Variants in MAGEC1 observed in about 807,000 individuals in gnomAD.
MAGEC1 encodes the protein melanoma-associated antigen C1.
A neutral mutation model predicts 1.5 loss-of-function variants in MAGEC1; 3 were observed. The observed-to-expected ratio is 1.97, with a 90% confidence interval of 0.90 to 5.10. MAGEC1 has a LOEUF of 5.10. Ranked by LOEUF, MAGEC1 falls within the 30% of genes most tolerant of loss-of-function variation. The pLI is 0.02. For synonymous variants in MAGEC1, 357 were observed against 310.4 expected, an observed-to-expected ratio of 1.15 and a Z score of -1.58; for missense variants, 985 against 803.1, an observed-to-expected ratio of 1.23 and a Z score of -2.74.
At chrX:141,904,564 C>A (rs189235868) in intron 1 of MAGEC1, among the ~76,000 whole-genome samples, 153 bp from the exon 2 acceptor site, 52 of 111,280 alleles carry the variant, frequency 4.7e-4, no homozygotes, top group African/African-American at 1.6e-3. Flanking sequence ...CTCAGGCCAG[C>A]AGAGTGGTGG....
chrX:141,908,219 A>G lies in MAGEC1; in HGVS notation c.2815A>G (p.Ile939Val), dbSNP rs1244663960. 1 of 1,211,752 alleles carries G rather than the reference A, an allele frequency of 8.3e-7. No homozygotes were observed. Among genetic ancestry groups the G allele is most frequent in the African/African-American group, 1.7e-5 (1 of 57,764 alleles). Residue 939 changes from isoleucine to valine, a missense_variant, in exon 4 of 4, where the codon ATC (isoleucine) becomes GTC (valine). Physicochemically the swap from Ile to Val is conservative, Grantham distance 29. Transcript: ENST00000285879. The part of the protein sequence containing the change: ...ITKAEMLTNV[I>V]SRYTGYFPVI... The stretch of plus-strand genomic sequence containing the variant: ...AAAGGCAGAGATGCTGACGAATGTC[A>G]TCAGCAGGTACACGGGCTACTTTCC...
In MAGEC1 at chrX:141,906,420, A is replaced by G. The variant is rs1263477316; in HGVS notation, c.1016A>G (p.Gln339Arg). Reference sequence around the variant, plus strand: ...GAGGGTTTTCCCCAGTCTCTTCTCCAGATTCCTATGACCTCCTCCTTCTCC... The same window carrying G: ...GAGGGTTTTCCCCAGTCTCTTCTCCGGATTCCTATGACCTCCTCCTTCTCC... ...TFEGFPQSLL[Q>R]IPMTSSFSST... The change falls in exon 4 of 4, where the codon CAG becomes CGG. Residue 339 changes from glutamine (Q) to arginine (R), a missense_variant. Coordinates refer to ENST00000285879, the MANE Select transcript of MAGEC1 (RefSeq NM_005462.5). The G allele has an allele frequency of 6.7e-6, 8 of 1,197,578 alleles. No individual in the cohort carries two copies. Among genetic ancestry groups the G allele is most frequent in the Middle Eastern group, 4.7e-4 (2 of 4,297 alleles).
At position 141,905,818 on chromosome X, in the gene MAGEC1, T is replaced by G; in HGVS notation, c.414T>G (p.Ser138=). 1 of 1,211,871 alleles carries G rather than the reference T, an allele frequency of 8.3e-7. No homozygotes were observed. The highest frequency in any genetic ancestry group is 1.7e-5 in the African/African-American group (1 of 57,951). ...LQNPASSFFS[S]ALLSIFQSSP... is the part of the protein sequence containing the mutation. ...ATCCTGCGAGTTCCTTCTTCTCCTC[T>G]GCTTTATTGAGTATTTTCCAGAGTT... The change falls in exon 4 of 4, where the codon TCT becomes TCG. Residue 138 remains serine (S), a synonymous_variant. Transcript: ENST00000285879.
In MAGEC1 at chrX:141,906,244, AGTGAGT is replaced by A. The variant is rs758023671; in HGVS notation, c.841_846del (p.Val281_Ser282del). On this transcript the variant is annotated inframe_deletion, in exon 4 of 4. Transcript: ENST00000285879. ...TGAGCCCCTCCTTCTCCTCCACTTT[AGTGAGT>A]CTTTTCCAGAGTTCCCCTGAGAGAA... 2.5e-5 allele frequency: 26 copies of A among 1,036,357 alleles called. 1 individual carries two copies. The highest frequency in any genetic ancestry group is 1.5e-4 in the Admixed American group (6 of 39,295). The allele number at this position is 1,036,357 out of a possible 1,213,427, so 85.4% of individuals were successfully genotyped here. A position where few individuals can be genotyped will look rare whatever the true frequency, so the allele number is the denominator to read the frequency against.
Position 141,905,053 on chromosome X carries a change from C to T in MAGEC1, c.-20C>T, listed in dbSNP as rs779452182. On this transcript the variant is annotated 5_prime_UTR_variant, in exon 3 of 4. Transcript: ENST00000285879. ...CCTTAAGAGAAGAAGAGCTGTAAGCCGGCCTTTGTCAGAGCCATCATGGGT... is the reference window on the plus strand; with the variant it reads ...CCTTAAGAGAAGAAGAGCTGTAAGCTGGCCTTTGTCAGAGCCATCATGGGT... The T allele has an allele frequency of 4.1e-6, 5 of 1,211,861 alleles. No individual in the cohort carries two copies. The highest frequency in any genetic ancestry group is 4.3e-5 in the Admixed American group (2 of 46,094).
At position 141,906,728 on chromosome X, in the gene MAGEC1, C is replaced by T. The variant is rs1926920185; in HGVS notation, c.1324C>T (p.Pro442Ser). 2 of 1,202,606 alleles carry T rather than the reference C, an allele frequency of 1.7e-6. No homozygotes were observed. Among genetic ancestry groups the T allele is most frequent in the African/African-American group, 1.8e-5 (1 of 55,826 alleles). ...QSAFEGFPQS[P>S]LQIPVSSSFS... ...TGCTTTTGAGGGTTTTCCCCAGTCT[C>T]CTCTCCAGATTCCTGTGAGCTCCTC... Residue 442 changes from proline to serine, a missense_variant, in exon 4 of 4, where the codon CCT becomes TCT. Coordinates refer to ENST00000285879, the MANE Select transcript of MAGEC1 (RefSeq NM_005462.5).
rs1188038416 is a variant in MAGEC1, at chrX:141,908,450, G to C, written c.3046G>C (p.Glu1016Gln). 1 of 1,209,271 alleles carries C rather than the reference G, an allele frequency of 8.3e-7. No individual in the cohort carries two copies. The highest frequency in any genetic ancestry group is 1.7e-5 in the African/African-American group (1 of 57,670). ...IIFIKGTYAS[E>Q]EVIWDVLSGI... ...CTTCATAAAGGGCACCTATGCCTCT[G>C]AGGAGGTCATCTGGGATGTGCTGAG... Residue 1016 changes from glutamate (E) to glutamine (Q), a missense_variant, in exon 4 of 4, where the codon GAG becomes CAG. Glu to Gln is a conservative substitution (Grantham distance 29). Transcript: ENST00000285879.
In MAGEC1 at chrX:141,906,048, A is replaced by G. The variant is rs2018188497; in HGVS notation, c.644A>G (p.Gln215Arg). 3 of 1,166,503 alleles carry G rather than the reference A, an allele frequency of 2.6e-6. No homozygotes were observed. The highest frequency in any genetic ancestry group is 3.0e-5 in the East Asian group (1 of 32,875). Residue 215 changes from glutamine (Q) to arginine (R), a missense_variant, in exon 4 of 4, where the codon CAG becomes CGG. By Grantham distance (43) the Gln-to-Arg change is conservative. Coordinates refer to ENST00000285879, the MANE Select transcript of MAGEC1 (RefSeq NM_005462.5). ...TCCTCCACTTTATTGAGTATTTTCC[A>G]GAGTTCCCCTGAGAGAACTCAGAGT... Reference protein sequence around the residue: ...SFSSTLLSIFQSSPERTQSTF... With the variant: ...SFSSTLLSIFRSSPERTQSTF...
chrX:141,907,799 C>T lies in MAGEC1; in HGVS notation c.2395C>T (p.Gln799Ter). ...SLLQSSHESP[Q>*]SPPEGPAQSP... ...TCTCCAAAGTTCCCATGAGAGTCCT[C>T]AGAGTCCTCCTGAGGGGCCTGCCCA... The change falls in exon 4 of 4, where the codon CAG becomes TAG. Residue 799 changes from glutamine to a stop codon, truncating the protein, a stop_gained. Coordinates refer to ENST00000285879, the MANE Select transcript of MAGEC1 (RefSeq NM_005462.5). LOFTEE classifies it low-confidence loss of function (END_TRUNC). 8.3e-7 allele frequency: 1 copy of T among 1,209,852 alleles called. No individual in the cohort carries two copies. The highest frequency in any genetic ancestry group is 1.1e-6 in the Non-Finnish European group (1 of 894,820).
chrX:141,905,733 C>G lies in MAGEC1; in HGVS notation c.329C>G (p.Ser110Cys). Residue 110 changes from serine (S) to cysteine (C), a missense_variant, in exon 4 of 4, where the codon TCT becomes TGT. Coordinates refer to ENST00000285879, the MANE Select transcript of MAGEC1 (RefSeq NM_005462.5). Reference protein sequence around the residue: ...QSSPEGKDSLSPLEISQSPPE... With the variant: ...QSSPEGKDSLCPLEISQSPPE... ...TCTCCTGAGGGGAAGGACTCCCTGT[C>G]TCCTCTAGAGATTTCTCAGAGCCCT... 2 of 1,211,663 alleles carry G rather than the reference C, an allele frequency of 1.7e-6. No homozygotes were observed. The highest frequency in any genetic ancestry group is 2.2e-6 in the Non-Finnish European group (2 of 895,193).
At position 141,907,147 on chromosome X, in the gene MAGEC1, T is replaced by C; in HGVS notation, c.1743T>C (p.Pro581=). ...GEDSLSPHYF[P]QSPQGEDSLS... ...ACTCCCTGTCTCCTCACTACTTTCCTCAGAGCCCTCAGGGGGAGGACTCCC... is the reference window on the plus strand; with the variant it reads ...ACTCCCTGTCTCCTCACTACTTTCCCCAGAGCCCTCAGGGGGAGGACTCCC... Residue 581 remains proline (P), a synonymous_variant, in exon 4 of 4, where the codon CCT becomes CCC. Coordinates refer to ENST00000285879, the MANE Select transcript of MAGEC1 (RefSeq NM_005462.5). 1 of 1,204,904 alleles carries C rather than the reference T, an allele frequency of 8.3e-7. No individual in the cohort carries two copies. Among genetic ancestry groups the C allele is most frequent in the Non-Finnish European group, 1.1e-6 (1 of 893,223 alleles).
chrX:141,906,266 C>T lies in MAGEC1; in HGVS notation c.862C>T (p.Pro288Ser), dbSNP rs78189215. ...TTTAGTGAGTCTTTTCCAGAGTTCCCCTGAGAGAACTCAGAGTACTTTTGA... is the reference window on the plus strand; with the variant it reads ...TTTAGTGAGTCTTTTCCAGAGTTCCTCTGAGAGAACTCAGAGTACTTTTGA... ...STLVSLFQSSPERTQSTFEGF... is the reference protein window; with the variant it reads ...STLVSLFQSSSERTQSTFEGF... Residue 288 changes from proline to serine, a missense_variant, in exon 4 of 4, where the codon CCT becomes TCT. By Grantham distance (74) the Pro-to-Ser change is moderately conservative. Transcript: ENST00000285879. 1.2e-4 allele frequency: 133 copies of T among 1,115,402 alleles called. 1 individual carries two copies. In the East Asian group the frequency reaches 2.7e-3, roughly 23 times the overall value. 91.9% of individuals were successfully genotyped at this position (1,115,402 alleles called of 1,213,427 possible). A position where few individuals can be genotyped will look rare whatever the true frequency, so the allele number is the denominator to read the frequency against.
At position 141,906,932 on chromosome X, in the gene MAGEC1, C is replaced by G. The variant is rs376659171; in HGVS notation, c.1528C>G (p.Pro510Ala). The G allele has an allele frequency of 8.3e-7, 1 of 1,211,968 alleles. No individual in the cohort carries two copies. Among genetic ancestry groups the G allele is most frequent in the Non-Finnish European group, 1.1e-6 (1 of 895,416 alleles). Residue 510 changes from proline to alanine, a missense_variant, in exon 4 of 4, where the codon CCC becomes GCC. Physicochemically the swap from Pro to Ala is conservative, Grantham distance 27. Transcript: ENST00000285879. ...ECTQSTFEGF[P>A]QSPLQIPQSP... is the part of the protein sequence containing the mutation. ...TACTCAAAGTACTTTTGAGGGTTTT[C>G]CCCAGTCTCCTCTCCAGATTCCTCA...
In MAGEC1 at chrX:141,904,966, A is replaced by T; in HGVS notation, c.-103-4A>T. On this transcript the variant is annotated splice_polypyrimidine_tract_variant and splice_region_variant and intron_variant, in intron 2 of 3. Transcript: ENST00000285879. ...CCGAGGTGCTTTCTCGCGTCCTTCT[A>T]CAGGTTCCCAGAAGACAAACCCCCT... 2 of 1,147,349 alleles carry T rather than the reference A, an allele frequency of 1.7e-6. No homozygotes were observed. Among genetic ancestry groups the T allele is most frequent in the East Asian group, 3.0e-5 (1 of 33,506 alleles). 94.6% of individuals were successfully genotyped at this position (1,147,349 alleles called of 1,213,427 possible). A position where few individuals can be genotyped will look rare whatever the true frequency, so the allele number is the denominator to read the frequency against.
At position 141,907,743 on chromosome X, in the gene MAGEC1, G is replaced by C; in HGVS notation, c.2339G>C (p.Ser780Thr). 7.4e-6 allele frequency: 9 copies of C among 1,209,317 alleles called. No homozygotes were observed. The highest frequency in any genetic ancestry group is 8.9e-6 in the Non-Finnish European group (8 of 894,885). ...CAGTCTCCTCTCCAGAGACCTGTCA[G>C]CTCCTTCTTCTCCTACACTTTAGCG... ...PAQSPLQRPV[S>T]SFFSYTLASL... The change falls in exon 4 of 4, where the codon AGC (serine) becomes ACC (threonine). Residue 780 changes from serine (S) to threonine (T), a missense_variant. Ser to Thr is a moderately conservative substitution (Grantham distance 58). Transcript: ENST00000285879.
rs1407318578 is a variant in MAGEC1 at position 141,908,552 on chromosome X, C to A, written c.3148C>A (p.Gln1050Lys). 2.5e-6 allele frequency: 3 copies of A among 1,196,108 alleles called. No homozygotes were observed. Among genetic ancestry groups the A allele is most frequent in the Non-Finnish European group, 3.4e-6 (3 of 887,460 alleles). Residue 1050 changes from glutamine to lysine, a missense_variant, in exon 4 of 4, where the codon CAG becomes AAG. Coordinates refer to ENST00000285879, the MANE Select transcript of MAGEC1 (RefSeq NM_005462.5). ...PRELLTKVWV[Q>K]EHYLEYREVP... is the part of the protein sequence containing the mutation. ...GGAGCTCCTCACTAAAGTTTGGGTG[C>A]AGGAACATTACCTAGAGTACCGGGA... is the stretch of plus-strand genomic sequence containing the variant.
At chrX:141,904,921 C>T in intron 2 of MAGEC1, 49 bp from the exon 3 acceptor site, 1 of 863,926 alleles carries the variant, frequency 1.2e-6, no homozygotes, top group Non-Finnish European at 1.7e-6. Flanking sequence ...GTGCCTCAGG[C>T]TCTGCCTGCC....
chrX:141,908,086 C>T lies in MAGEC1; in HGVS notation c.2682C>T (p.Ser894=), dbSNP rs1204673547. ...TAGAGAGTGATTCCTTGACAGACAGCGAGTCCTTGATAGAGAGCGAGCCCT... is the reference window on the plus strand; with the variant it reads ...TAGAGAGTGATTCCTTGACAGACAGTGAGTCCTTGATAGAGAGCGAGCCCT... ...TLLESDSLTD[S]ESLIESEPLF... Residue 894 remains serine (S), a synonymous_variant, in exon 4 of 4, where the codon AGC becomes AGT. Coordinates refer to ENST00000285879, the MANE Select transcript of MAGEC1 (RefSeq NM_005462.5). The T allele has an allele frequency of 8.3e-6, 10 of 1,210,202 alleles. No individual in the cohort carries two copies. The highest frequency in any genetic ancestry group is 3.5e-5 in the South Asian group (2 of 56,801).
Position 141,908,122 on chromosome X carries a change from T to C in MAGEC1, c.2718T>C (p.Tyr906=), listed in dbSNP as rs749274043. ...TAGAGAGCGAGCCCTTGTTCACTTA[T>C]ACACTGGATGAAAAGGTGGACGAGT... The part of the protein sequence containing the change: ...SLIESEPLFT[Y]TLDEKVDELA... The change falls in exon 4 of 4, where the codon TAT becomes TAC. Residue 906 remains tyrosine (Y), a synonymous_variant. Transcript: ENST00000285879. 99 of 1,210,274 alleles carry C rather than the reference T, an allele frequency of 8.2e-5. No individual in the cohort carries two copies. Among genetic ancestry groups the C allele is most frequent in the South Asian group, 6.5e-4 (37 of 56,802 alleles).
Sources: allele counts gnomAD v4.1 joint callset (sites outside exome capture counted in the v4.1 genomes callset), GRCh38; gene constraint gnomAD v4.1.1; transcripts MANE v1.5; gene names NCBI Gene and HGNC (gene_info 2026-07-23, HGNC 2026-07-21).